The following ATP8A2 variants were observed in gnomAD, a reference collection of about 807,000 sequenced individuals.
The protein encoded by ATP8A2 is phospholipid-transporting ATPase IB.
Under a neutral mutation model 165.6 loss-of-function variants are expected in ATP8A2, and 100 were observed. The observed-to-expected ratio is 0.60, with a 90% CI of 0.51 to 0.71. The LOEUF (loss-of-function observed/expected upper bound fraction) is 0.71. Ranked by LOEUF, ATP8A2 falls within the 30% of genes least tolerant of loss-of-function variation. The pLI, the probability that ATP8A2 is intolerant of heterozygous loss-of-function variation, is 0.00. For synonymous variants in ATP8A2, 543 were observed against 548.8 expected, an observed-to-expected ratio of 0.99 and a Z score of 0.15; for missense variants, 1,227 against 1,479.5, an observed-to-expected ratio of 0.83 and a Z score of 2.80.
chr13:25,422,552 C>T (rs13378890), intron 1 of ATP8A2, among the ~76,000 whole-genome samples: 7,905 of 152,248 alleles, frequency 0.052, 347 homozygotes, highest in South Asian at 0.12. Context: ...CATATATTGT[C>T]ATAAGAAACT....
chr13:25,577,241 A>G, intron 20 of ATP8A2, 103 bp downstream of exon 20: 1 of 1,000,436 alleles, frequency 1.0e-6, no homozygotes, highest in Non-Finnish European at 1.6e-6. Context: ...TTGTTTGTCC[A>G]GAGTTGAAAG....
At chr13:25,880,044 C>T (rs571292179) in intron 33 of ATP8A2, among the ~76,000 whole-genome samples, 12 of 152,282 alleles carry the variant, frequency 7.9e-5, no homozygotes, top group African/African-American at 2.9e-4. Flanking sequence ...GAAGAGGTGG[C>T]CTCCTAGACA....
chr13:25,777,964 G>A (rs12866264), intron 27 of ATP8A2, among the ~76,000 whole-genome samples: 27,439 of 152,154 alleles, frequency 0.18, 2,584 homozygotes, highest in Middle Eastern at 0.22. Flanking sequence ...AGATATTTAT[G>A]TATACAAACA....
chr13:25,830,025 TTG>T (rs1222707199), intron 28 of ATP8A2, among the ~76,000 whole-genome samples: 2 of 151,432 alleles, frequency 1.3e-5, no homozygotes, highest in African/African-American at 2.4e-5. Context: ...TTTTTTTTTT[TTG>T]AGACTGGGTC....
At chr13:25,433,907 G>C (rs2034681307) in intron 1 of ATP8A2, among the ~76,000 whole-genome samples, 1 of 152,184 alleles carries the variant, frequency 6.6e-6, no homozygotes, top group Non-Finnish European at 1.5e-5. Context: ...TCACTGACAA[G>C]CGGGAGCTGA....
rs373776679 is a variant in ATP8A2 at position 25,774,857 on chromosome 13, C to T, written c.2577C>T (p.Tyr859=). ...TAATTTTCCTTTTTCAGTTTTCCTA[C>T]TTAGAGAAGCTTCTGTTGGTTCATG... The part of the protein sequence containing the change: ...NSDYAIAQFS[Y]LEKLLLVHGA... Residue 859 remains tyrosine, a synonymous_variant, in exon 27 of 37, where the codon TAC becomes TAT. Transcript: ENST00000381655. The T allele has an allele frequency of 3.7e-5, 60 of 1,608,856 alleles. 1 individual carries two copies. The Middle Eastern group carries it at 1.7e-3, about 44-fold the overall frequency.
chr13:25,745,091 C>A (rs1160484189), intron 25 of ATP8A2, among the ~76,000 whole-genome samples: 1 of 152,248 alleles, frequency 6.6e-6, no homozygotes, highest in East Asian at 1.9e-4. Flanking sequence ...CAGGCGCCTG[C>A]CACCACGCCC....
rs76816003 is a variant in ATP8A2, at chr13:25,972,521, C to T, written c.3377+3842C>T. On this transcript the variant is annotated intron_variant, in intron 35 of 36. Coordinates refer to ENST00000381655, the MANE Select transcript of ATP8A2 (RefSeq NM_016529.6). ...TGTTTTTCACGATGTGGTGTTTGTG[C>T]GCCTTATAGACACTGGACACGTGTG... Among the ~76,000 whole-genome samples, 291 of 152,254 alleles carry T rather than the reference C, an allele frequency of 1.9e-3. 3 individuals carry two copies. Among genetic ancestry groups the T allele is most frequent in the East Asian group, 0.015 (76 of 5,172 alleles).
chr13:25,629,882 G>A (rs958648785), intron 24 of ATP8A2, among the ~76,000 whole-genome samples: 9 of 152,244 alleles, frequency 5.9e-5, no homozygotes, highest in African/African-American at 1.7e-4. Flanking sequence ...ATATTTGAGA[G>A]GGAAAGAGTA....
At chr13:25,600,723 C>A (rs1340351099) in intron 24 of ATP8A2, among the ~76,000 whole-genome samples, 1 of 152,186 alleles carries the variant, frequency 6.6e-6, no homozygotes, top group Non-Finnish European at 1.5e-5. Context: ...TCTTCCCAAT[C>A]TTAAGCAAAT....
intron 2 of ATP8A2, among the ~76,000 whole-genome samples, chr13:25,487,047 C>G (rs2036374994): frequency 6.6e-6 from 1 of 152,174 alleles, no homozygotes; most frequent in African/African-American, 2.4e-5. Flanking sequence ...GATGTATTAT[C>G]TGCTTAGTAA....
At chr13:25,516,542 T>C (rs1566209483) in intron 2 of ATP8A2, among the ~76,000 whole-genome samples, 1 of 152,196 alleles carries the variant, frequency 6.6e-6, no homozygotes, top group Non-Finnish European at 1.5e-5. Flanking sequence ...CGCTGACCTG[T>C]TGCGTTTCTT....
chr13:25,713,928 A>G (rs1478857107), intron 25 of ATP8A2, among the ~76,000 whole-genome samples: 1 of 152,138 alleles, frequency 6.6e-6, no homozygotes, highest in Non-Finnish European at 1.5e-5. Context: ...CTGTACAGTT[A>G]TGAATTAGAT....
intron 33 of ATP8A2, chr13:25,863,603 A>G (rs923235195): frequency 6.6e-6 from 1 of 152,264 alleles, no homozygotes; most frequent in Admixed American, 6.5e-5. Context: ...CCTGGCTGCT[A>G]TCTCTGCTTT....
chr13:25,910,788 G>T lies in ATP8A2; in HGVS notation c.3183+48380G>T, dbSNP rs532890804. On this transcript the variant is annotated intron_variant, in intron 33 of 36. Coordinates refer to ENST00000381655, the MANE Select transcript of ATP8A2 (RefSeq NM_016529.6). ...TAATAACAATTGAGCTTATAATAAA[G>T]AATTGTGCCCTTTCAAATTATCTGA... 2.0e-5 allele frequency among the ~76,000 whole-genome samples: 3 copies of T among 152,244 alleles called. No homozygotes were observed. In the South Asian group the frequency reaches 6.2e-4, roughly 32 times the overall value.
chr13:25,860,442 G>C (rs1952313554), intron 31 of ATP8A2, among the ~76,000 whole-genome samples, 186 bp downstream of exon 31: 1 of 152,194 alleles, frequency 6.6e-6, no homozygotes, highest in Admixed American at 6.5e-5. Flanking sequence ...TGAAGGTTAT[G>C]CCAAGTGAAG....
chr13:25,688,446 C>T (rs1231310563), intron 24 of ATP8A2, among the ~76,000 whole-genome samples: 2 of 152,170 alleles, frequency 1.3e-5, no homozygotes, highest in East Asian at 3.9e-4. Flanking sequence ...ATCTGCAGTG[C>T]TGAGGCCACC....
chr13:25,537,444 CAG>C (rs1441041215), intron 6 of ATP8A2, among the ~76,000 whole-genome samples: 2 of 152,124 alleles, frequency 1.3e-5, no homozygotes, highest in Non-Finnish European at 2.9e-5. Flanking sequence ...ATTTATAAAA[CAG>C]AGAAAAATTT....
intron 35 of ATP8A2, among the ~76,000 whole-genome samples, chr13:25,983,197 C>T (rs758750913): frequency 6.6e-6 from 1 of 152,092 alleles, no homozygotes; most frequent in South Asian, 2.1e-4. Context: ...ATGATAGTGT[C>T]CACAGAAAAT....
Sources: gnomAD v4.1 joint callset for allele counts (sites outside exome capture counted in the v4.1 genomes callset) on GRCh38, gnomAD v4.1.1 for gene constraint, MANE v1.5 for transcripts, NCBI Gene and HGNC (gene_info 2026-07-23, HGNC 2026-07-21) for gene names.